The following MYH9 variants were observed in gnomAD, a reference collection of about 807,000 sequenced individuals.
The protein encoded by MYH9 is myosin heavy chain 9.
MYH9 carries 29 observed loss-of-function variants against 241.9 expected under a neutral mutation model. That is an observed-to-expected ratio of 0.12 (90% CI 0.09 to 0.16). The LOEUF is 0.16. Ranked by LOEUF, MYH9 falls within the 10% of genes least tolerant of loss-of-function variation. The pLI is 1.00. For synonymous variants in MYH9, 1,047 were observed against 1,062.6 expected (o/e 0.99, Z 0.29); for missense variants, 1,803 against 2,595.5 (o/e 0.69, Z 6.63).
chr22:36,360,442 A>G (rs1337994725), intron 1 of MYH9, among the ~76,000 whole-genome samples: 1 of 152,132 alleles, frequency 6.6e-6, no homozygotes, highest in African/African-American at 2.4e-5. Context: ...GGCCGGGCAC[A>G]GTGGCTCACA....
rs574813616 is a variant in MYH9, at chr22:36,322,611, G to A, written c.613-90C>T. 1.1e-4 allele frequency: 134 copies of A among 1,267,598 alleles called. 1 individual carries two copies. In the African/African-American group the frequency reaches 1.3e-3, roughly 13 times the overall value. 78.5% of individuals were successfully genotyped at this position (1,267,598 alleles called of 1,614,324 possible). A position where few individuals can be genotyped will look rare whatever the true frequency, so the allele number is the denominator to read the frequency against. ...CTGGAAGGGGGACGATGGCAGAGCCGTGTCAGCATGTCCAACGTGCCAGGA... is the reference window on the plus strand; with the variant it reads ...CTGGAAGGGGGACGATGGCAGAGCCATGTCAGCATGTCCAACGTGCCAGGA... On this transcript the variant is annotated intron_variant, in intron 5 of 40. Coordinates refer to ENST00000216181, the MANE Select transcript of MYH9 (RefSeq NM_002473.6).
chr22:36,383,510 G>A (rs552028504), intron 1 of MYH9, among the ~76,000 whole-genome samples: 83 of 152,256 alleles, frequency 5.5e-4, no homozygotes, highest in African/African-American at 2.0e-3. Context: ...CACAACCACA[G>A]TCCACAACCA....
At chr22:36,326,417 G>A (rs781557132) in intron 5 of MYH9, 151 bp downstream of exon 5, 9 of 802,198 alleles carry the variant, frequency 1.1e-5, no homozygotes, top group East Asian at 7.4e-5. Flanking sequence ...GACAGGCCAC[G>A]CCACTGCCTC....
At chr22:36,302,298 T>G (rs1037016359) in intron 20 of MYH9, 1 of 385,414 alleles carries the variant, frequency 2.6e-6, no homozygotes, top group African/African-American at 2.0e-5. Flanking sequence ...AGAGATTTTT[T>G]TTTTAAAGGC....
At chr22:36,373,114 A>T (rs961891930) in intron 1 of MYH9, among the ~76,000 whole-genome samples, 1 of 152,080 alleles carries the variant, frequency 6.6e-6, no homozygotes, top group Non-Finnish European at 1.5e-5. Flanking sequence ...CTTTACAACA[A>T]AACTAAACTG....
chr22:36,303,158 C>T (rs993900967), intron 19 of MYH9, among the ~76,000 whole-genome samples: 1 of 151,686 alleles, frequency 6.6e-6, no homozygotes, highest in Non-Finnish European at 1.5e-5. Flanking sequence ...ATAAACAAGC[C>T]TCCATCTGTG....
chr22:36,290,622 G>A (rs2016675779), intron 31 of MYH9, among the ~76,000 whole-genome samples: 1 of 151,822 alleles, frequency 6.6e-6, no homozygotes, highest in African/African-American at 2.4e-5. Flanking sequence ...TCTGGGATGT[G>A]AGGAGCCCCT....
Position 36,308,859 on chromosome 22 carries a change from T to C in MYH9, c.1843+423A>G, listed in dbSNP as rs1431751974. ...CGATGATAGAAATAGGCTCTCTGAG[T>C]GCTCTGCATCTCTGCAACAGAGAGG... On this transcript the variant is annotated intron_variant, in intron 15 of 40. Transcript: ENST00000216181. 6 of 985,140 alleles carry C rather than the reference T, an allele frequency of 6.1e-6. No homozygotes were observed. The African/African-American group carries it at 8.7e-5, about 14-fold the overall frequency. The allele number at this position is 985,140 out of a possible 1,614,324, so 61.0% of individuals were successfully genotyped here.
At position 36,305,070 on chromosome 22, in the gene MYH9, T is replaced by G; in HGVS notation, c.2192A>C (p.Lys731Thr). 6.2e-7 allele frequency: 1 copy of G among 1,614,058 alleles called. No individual in the cohort carries two copies. Among genetic ancestry groups the G allele is most frequent in the Non-Finnish European group, 8.5e-7 (1 of 1,179,950 alleles). ...YEILTPNSIP[K>T]GFMDGKQACV... ...CGCCTGCTTCCCGTCCATGAAACCC[T>G]TGGGAATGGAGTTTGGAGTCAGGAT... The change falls in exon 18 of 41, where the codon AAG becomes ACG. Residue 731 changes from lysine to threonine, a missense_variant. Physicochemically the swap from Lys to Thr is moderately conservative, Grantham distance 78 (BLOSUM62 -1). Coordinates refer to ENST00000216181, the MANE Select transcript of MYH9 (RefSeq NM_002473.6). This position sits in a 1 kb window ranked among gnomAD's most constrained non-coding sequence, Gnocchi z 4.7.
At chr22:36,380,722 C>G (rs560472825) in intron 1 of MYH9, among the ~76,000 whole-genome samples, 3 of 151,836 alleles carry the variant, frequency 2.0e-5, no homozygotes, top group Non-Finnish European at 2.9e-5. Flanking sequence ...GCCTGGGCAA[C>G]AGAGTGAGAC....
chr22:36,332,020 G>A (rs562404991), intron 3 of MYH9, among the ~76,000 whole-genome samples: 1 of 152,320 alleles, frequency 6.6e-6, no homozygotes, highest in South Asian at 2.1e-4. Flanking sequence ...TGTTGGCACT[G>A]TGAGCCCTGC....
intron 4 of MYH9, 66 bp downstream of exon 4, chr22:36,327,395 G>A: frequency 6.3e-7 from 1 of 1,592,682 alleles, no homozygotes; most frequent in East Asian, 2.2e-5. Context: ...GGTTTCAGTA[G>A]GAGACCTCAA....
Position 36,318,135 on chromosome 22 carries a change from C to T in MYH9, c.1227+72G>A, listed in dbSNP as rs1362927928. ...ACGGACACCCCAGGATGGCCCACAA[C>T]AGCCTCAACTGTGCTGCTGCAGGGA... On this transcript the variant is annotated intron_variant, in intron 11 of 40. Transcript: ENST00000216181. 4.4e-6 allele frequency: 6 copies of T among 1,356,376 alleles called. No homozygotes were observed. The African/African-American group carries it at 8.6e-5, about 20-fold the overall frequency. 84.0% of individuals were successfully genotyped at this position (1,356,376 alleles called of 1,614,324 possible).
At chr22:36,310,758 G>GA (rs2017049033) in intron 14 of MYH9, among the ~76,000 whole-genome samples, 1 of 152,226 alleles carries the variant, frequency 6.6e-6, no homozygotes, top group Non-Finnish European at 1.5e-5. Flanking sequence ...AGGCCCCTTG[G>GA]TGGGCTTTAG....
intron 1 of MYH9, among the ~76,000 whole-genome samples, chr22:36,354,088 G>C (rs890408982): frequency 3.9e-5 from 6 of 151,908 alleles, no homozygotes; most frequent in African/African-American, 1.5e-4. Flanking sequence ...TTTTAGTAGA[G>C]ACGGGGTTTC....
chr22:36,361,005 A>G (rs1288417314), intron 1 of MYH9, among the ~76,000 whole-genome samples: 2 of 152,174 alleles, frequency 1.3e-5, no homozygotes, highest in East Asian at 3.8e-4. Context: ...CAGAGCAGTT[A>G]TCTACAGGGT....
intron 1 of MYH9, among the ~76,000 whole-genome samples, chr22:36,374,765 T>C (rs1282120900): frequency 2.0e-5 from 3 of 152,200 alleles, no homozygotes; most frequent in African/African-American, 4.8e-5. Flanking sequence ...TCTTGGCCTA[T>C]GCAGAGGCTG....
rs1376851882 is a variant in MYH9, at chr22:36,341,408, T to A, written c.452A>T (p.Tyr151Phe). 1.2e-6 allele frequency: 2 copies of A among 1,614,028 alleles called. No individual in the cohort carries two copies. Among genetic ancestry groups the A allele is most frequent in the Admixed American group, 1.7e-5 (1 of 60,000 alleles). ...KKRHEMPPHIYAITDTAYRSM... is the reference protein window; with the variant it reads ...KKRHEMPPHIFAITDTAYRSM... ...CCTGTAGGCGGTGTCTGTGATGGCA[T>A]AGATGTGAGGGGGCATCTCGTGCCT... is the stretch of plus-strand genomic sequence containing the variant. Residue 151 changes from tyrosine (Y) to phenylalanine (F), a missense_variant, in exon 3 of 41, where the codon TAT becomes TTT. Around this residue, in one of 11 missense-constraint regions of MYH9, gnomAD observed 72 missense variants for 134.3 expected, o/e 0.54. Coordinates refer to ENST00000216181, the MANE Select transcript of MYH9 (RefSeq NM_002473.6).
At chr22:36,385,469 G>A (rs1234989175) in intron 1 of MYH9, among the ~76,000 whole-genome samples, 1 of 152,022 alleles carries the variant, frequency 6.6e-6, no homozygotes, top group South Asian at 2.1e-4. Flanking sequence ...TGTTTTTTCT[G>A]GAGCAAGAGC....
Sources: gnomAD v4.1 joint callset for allele counts (sites outside exome capture counted in the v4.1 genomes callset) on GRCh38, gnomAD v4.1.1 for gene constraint, gnomAD v4.1.1 regional missense constraint, Gnocchi (gnomAD v3.1) non-coding constraint, MANE v1.5 for transcripts, NCBI Gene and HGNC (gene_info 2026-07-23, HGNC 2026-07-21) for gene names.